Variants in LPP observed in about 807,000 individuals in gnomAD.
The protein encoded by LPP is LIM domain containing preferred translocation partner in lipoma.
LPP carries 38 observed loss-of-function variants against 60.4 expected under a neutral mutation model. That is an observed-to-expected ratio of 0.63 (90% CI 0.49 to 0.83). The LOEUF is 0.83. LPP is among the 40% of genes least tolerant of loss of function. The pLI, the probability that LPP is intolerant of heterozygous loss-of-function variation, is 0.00. For missense variants in LPP, 902 were observed against 783.6 expected, an observed-to-expected ratio of 1.15 and a Z score of -1.80; for synonymous variants, 328 against 290.8, an observed-to-expected ratio of 1.13 and a Z score of -1.30.
intron 9 of LPP, among the ~76,000 whole-genome samples, chr3:188,836,420 C>T (rs1397701790): frequency 1.3e-5 from 2 of 152,228 alleles, no homozygotes; most frequent in Non-Finnish European, 2.9e-5. Context: ...CATTCCATGA[C>T]GTTTCAGCTT....
At chr3:188,156,401 C>T (rs1219405090) in intron 1 of LPP, among the ~76,000 whole-genome samples, 1 of 152,088 alleles carries the variant, frequency 6.6e-6, no homozygotes. Context: ...TTAAAAATGC[C>T]AGGCTAAGGA....
intron 7 of LPP, among the ~76,000 whole-genome samples, chr3:188,699,955 C>A (rs952320505): frequency 6.6e-6 from 1 of 152,062 alleles, no homozygotes; most frequent in Non-Finnish European, 1.5e-5. Context: ...GGGAAAAGAA[C>A]GAAAATATCA....
chr3:188,656,562 G>C (rs1018441396), intron 7 of LPP, among the ~76,000 whole-genome samples: 19 of 152,196 alleles, frequency 1.2e-4, no homozygotes, highest in African/African-American at 4.3e-4. Flanking sequence ...CTAAGCTTCT[G>C]TTTTTGCCAA....
chr3:188,479,985 A>G (rs1267255696), intron 4 of LPP, among the ~76,000 whole-genome samples: 1 of 152,218 alleles, frequency 6.6e-6, no homozygotes, highest in Non-Finnish European at 1.5e-5. Flanking sequence ...TAAAGGGCTA[A>G]GCAAGCTCTG....
intron 9 of LPP, among the ~76,000 whole-genome samples, chr3:188,831,863 A>G (rs764829819): frequency 3.5e-4 from 54 of 152,198 alleles, no homozygotes; most frequent in Non-Finnish European, 6.8e-4. Flanking sequence ...TTTTCTGAGT[A>G]TGCTATACCA....
intron 7 of LPP, among the ~76,000 whole-genome samples, chr3:188,643,479 TA>T (rs1395538076): frequency 6.6e-6 from 1 of 152,186 alleles, no homozygotes; most frequent in Non-Finnish European, 1.5e-5. Flanking sequence ...GAAGACATAT[TA>T]TAAAAATCTG....
At chr3:188,637,000 G>T (rs1249661506) in intron 7 of LPP, among the ~76,000 whole-genome samples, 4 of 144,690 alleles carry the variant, frequency 2.8e-5, no homozygotes, top group Admixed American at 2.7e-4. Flanking sequence ...ACTCAGCTCT[G>T]CACCAAGTGG....
At position 188,352,605 on chromosome 3, in the gene LPP, G is replaced by A. The variant is rs548715511; in HGVS notation, c.-10+10886G>A. Among the ~76,000 whole-genome samples, 11 of 152,352 alleles carry A rather than the reference G, an allele frequency of 7.2e-5. No individual in the cohort carries two copies. The highest frequency in any genetic ancestry group is 1.2e-4 in the African/African-American group (5 of 41,578). ...ATTTGATGTGTGAGGACAGTGAGGC[G>A]CATTATGCGGAGGTGACTTGCTCAA... is the stretch of plus-strand genomic sequence containing the variant. On this transcript the variant is annotated intron_variant, in intron 3 of 11. Coordinates refer to ENST00000617246, the MANE Select transcript of LPP (RefSeq NM_001375462.1). The surrounding 1 kb of genome is among the most constrained non-coding windows in gnomAD (Gnocchi z 4.4).
At chr3:188,783,920 G>A (rs964592656) in intron 9 of LPP, among the ~76,000 whole-genome samples, 1 of 151,648 alleles carries the variant, frequency 6.6e-6, no homozygotes, top group African/African-American at 2.4e-5. Flanking sequence ...CCAGCCTCCC[G>A]ATTTTGTTTT....
chr3:188,291,725 T>G lies in LPP; in HGVS notation c.-66-49938T>G, dbSNP rs184151506. Among the ~76,000 whole-genome samples the G allele has an allele frequency of 2.0e-4, 30 of 152,138 alleles. No individual in the cohort carries two copies. In the East Asian group the frequency reaches 4.1e-3, roughly 21 times the overall value. ...GGGGGGCTTGTAGCTTTCAAAACAC[T>G]TAAGTACCCATTTTCTTATGTGTGC... On this transcript the variant is annotated intron_variant, in intron 2 of 11. Transcript: ENST00000617246.
At position 188,326,435 on chromosome 3, in the gene LPP, A is replaced by G. The variant is rs879792305; in HGVS notation, c.-66-15228A>G. ...AAATGTGACAAGTACACTGAGTTCA[A>G]TTGCACTTTTGCCAAAACATAGTTT... On this transcript the variant is annotated intron_variant, in intron 2 of 11. Transcript: ENST00000617246. Among the ~76,000 whole-genome samples the G allele has an allele frequency of 4.6e-5, 7 of 152,330 alleles. No individual in the cohort carries two copies. In the East Asian group the frequency reaches 1.3e-3, roughly 29 times the overall value.
chr3:188,494,418 C>G (rs558012033), intron 5 of LPP, among the ~76,000 whole-genome samples: 2 of 152,194 alleles, frequency 1.3e-5, no homozygotes, highest in South Asian at 4.1e-4. Flanking sequence ...CTGTCACCAG[C>G]GGTGCTGGGA....
At chr3:188,542,242 T>C (rs974075897) in intron 6 of LPP, among the ~76,000 whole-genome samples, 17 of 152,222 alleles carry the variant, frequency 1.1e-4, no homozygotes. Flanking sequence ...ATATATGATA[T>C]TGTGAGAAGT....
intron 7 of LPP, among the ~76,000 whole-genome samples, chr3:188,696,105 G>A (rs1863180823): frequency 6.6e-6 from 1 of 152,046 alleles, no homozygotes; most frequent in Admixed American, 6.6e-5. Flanking sequence ...GACTGTAAAA[G>A]CACATAGAAA....
chr3:188,430,392 A>G (rs1195464692), intron 4 of LPP, among the ~76,000 whole-genome samples: 1 of 152,178 alleles, frequency 6.6e-6, no homozygotes, highest in East Asian at 1.9e-4. Flanking sequence ...ATAGCATGTT[A>G]TCTTCCTTCT....
rs113585439 is a variant in LPP, at chr3:188,602,728, TA to T, written c.430-6420del. Among the ~76,000 whole-genome samples, 840 of 141,934 alleles carry T rather than the reference TA, an allele frequency of 5.9e-3. 5 individuals are homozygous for T. Among genetic ancestry groups the T allele is most frequent in the African/African-American group, 0.018 (712 of 38,736 alleles). 93.1% of individuals were successfully genotyped at this position (141,934 alleles called of 152,430 possible). ...TTATTTGAAGAGAAAGATTATTTAT[TA>T]AAAAAAAAAAAAGGAGAAGAGTAAC... is the stretch of plus-strand genomic sequence containing the variant. On this transcript the variant is annotated intron_variant, in intron 6 of 11. Coordinates refer to ENST00000617246, the MANE Select transcript of LPP (RefSeq NM_001375462.1).
At chr3:188,191,013 C>T (rs1037485408) in intron 1 of LPP, among the ~76,000 whole-genome samples, 4 of 152,268 alleles carry the variant, frequency 2.6e-5, no homozygotes, top group South Asian at 2.1e-4. Flanking sequence ...AGGTGGATCA[C>T]GAGGTCAGAG....
chr3:188,680,150 T>C (rs923400958), intron 7 of LPP, among the ~76,000 whole-genome samples: 1 of 152,198 alleles, frequency 6.6e-6, no homozygotes, highest in Non-Finnish European at 1.5e-5. Flanking sequence ...TCTTTTCTTC[T>C]CCGTTCTCTT....
chr3:188,776,307 A>G (rs1009453837), intron 9 of LPP, among the ~76,000 whole-genome samples: 1 of 152,172 alleles, frequency 6.6e-6, no homozygotes, highest in Non-Finnish European at 1.5e-5. Flanking sequence ...TAGAGTAGGA[A>G]TGGATAAGGG....
Sources: allele counts gnomAD v4.1 joint callset (sites outside exome capture counted in the v4.1 genomes callset), GRCh38; gene constraint gnomAD v4.1.1; non-coding constraint Gnocchi (gnomAD v3.1); transcripts MANE v1.5; gene names NCBI Gene and HGNC (gene_info 2026-07-23, HGNC 2026-07-21).